TMEM164: variants seen among roughly 807,000 people sequenced by gnomAD.
TMEM164 encodes the protein transmembrane protein 164, also known as RP13-360B22.2.
In TMEM164, 4 loss-of-function variants were observed where a neutral mutation model predicts 18.8. The ratio of observed to expected loss-of-function variants is 0.21; its 90% CI spans 0.10 to 0.49. The LOEUF is 0.49. Ranked by LOEUF, TMEM164 falls within the 20% of genes least tolerant of loss-of-function variation. The pLI is 0.98. For missense variants in TMEM164, 108 were observed against 239.9 expected (o/e 0.45, Z 3.63); for synonymous variants, 86 against 101.7 (o/e 0.85, Z 0.93).
intron 2 of TMEM164, among the ~76,000 whole-genome samples, chrX:110,017,502 CCCTCCCTCCCTCCTTCCTTCCTTCCTT>C (rs1933507928): frequency 2.2e-4 from 1 of 4,495 alleles, no homozygotes; most frequent in Admixed American, 3.6e-3. Context: ...CTCCCTCCCT[CCCTCCCTCCCTCCTTCCTTCCTTCCTT>C]CCTTCCTTCC....
At chrX:110,048,172 G>T (rs749861191) in intron 2 of TMEM164, among the ~76,000 whole-genome samples, 2 of 109,242 alleles carry the variant, frequency 1.8e-5, no homozygotes, top group African/African-American at 7.0e-5. Context: ...CCAGGCAAAA[G>T]GAACTACTTT....
chrX:110,139,425 C>G (rs1407193121), intron 4 of TMEM164, among the ~76,000 whole-genome samples: 1 of 111,402 alleles, frequency 9.0e-6, no homozygotes, highest in Non-Finnish European at 1.9e-5. Context: ...ACCATTTCCT[C>G]AGCTGAGAGC....
intron 5 of TMEM164, among the ~76,000 whole-genome samples, chrX:110,153,905 ACTCATAATAC>A (rs1043736903): frequency 8.0e-5 from 9 of 112,061 alleles, no homozygotes; most frequent in Non-Finnish European, 1.5e-4. Flanking sequence ...TCTCTAGATT[ACTCATAATAC>A]CTAATACAAT....
At chrX:110,095,303 C>T (rs1008681990) in intron 3 of TMEM164, among the ~76,000 whole-genome samples, 4 of 112,235 alleles carry the variant, frequency 3.6e-5, no homozygotes, top group Non-Finnish European at 7.5e-5. Flanking sequence ...CTCCCCATCA[C>T]TTTCAGGTAC....
At chrX:110,145,374 C>T (rs1441185809) in intron 5 of TMEM164, among the ~76,000 whole-genome samples, 3 of 111,362 alleles carry the variant, frequency 2.7e-5, no homozygotes, top group African/African-American at 9.8e-5. Flanking sequence ...GTAAAATAAA[C>T]CACTGAAAAC....
At chrX:110,049,895 T>G (rs895633828) in intron 2 of TMEM164, among the ~76,000 whole-genome samples, 1 of 111,070 alleles carries the variant, frequency 9.0e-6, no homozygotes, top group African/African-American at 3.3e-5. Flanking sequence ...TCAGGATGGC[T>G]TTTTTTCTCC....
chrX:110,081,105 T>C (rs1175186374), intron 3 of TMEM164, among the ~76,000 whole-genome samples: 3 of 110,563 alleles, frequency 2.7e-5, no homozygotes, highest in Non-Finnish European at 3.8e-5. Context: ...TAAAAATCAG[T>C]ATTTTAAAAA....
At position 110,062,726 on chromosome X, in the gene TMEM164, G is replaced by A. The variant is rs148717880; in HGVS notation, c.391-4621G>A. Among the ~76,000 whole-genome samples, 952 of 112,005 alleles carry A rather than the reference G, an allele frequency of 8.5e-3. 5 individuals carry two copies. The highest frequency in any genetic ancestry group is 0.013 in the Non-Finnish European group (701 of 53,163). On this transcript the variant is annotated intron_variant, in intron 2 of 6. Coordinates refer to ENST00000372068, the MANE Select transcript of TMEM164 (RefSeq NM_032227.4). ...GAAGTGTAGTAATTGACACAAATAC[G>A]TTCAGGGTACAGCTTGACATAACGC... is the stretch of plus-strand genomic sequence containing the variant.
chrX:110,135,447 C>G (rs774444704), intron 4 of TMEM164, among the ~76,000 whole-genome samples: 2 of 111,371 alleles, frequency 1.8e-5, no homozygotes, highest in East Asian at 5.6e-4. Context: ...CAGTGAACAT[C>G]TTTATGCATA....
At chrX:110,054,511 C>G (rs1935723464) in intron 2 of TMEM164, among the ~76,000 whole-genome samples, 2 of 112,108 alleles carry the variant, frequency 1.8e-5, no homozygotes, top group Admixed American at 1.9e-4. Flanking sequence ...GAGTGGGGAA[C>G]AAAAAGAAGA....
rs1199419725 is a variant in TMEM164 at position 110,147,700 on chromosome X, TATAATTTGAGCCAACATC to T, written c.586+2825_586+2842del. 9.0e-5 allele frequency among the ~76,000 whole-genome samples: 10 copies of T among 110,991 alleles called. No homozygotes were observed. In the East Asian group the frequency reaches 1.7e-3, roughly 19 times the overall value. ...GGCCTGTAGCTCTCAATATTTCCAT[TATAATTTGAGCCAACATC>T]CTGAGAGACTTCTTGTAAGGACCAC... On this transcript the variant is annotated intron_variant, in intron 5 of 6. Transcript: ENST00000372068.
At chrX:110,073,508 A>G (rs1358018714) in intron 3 of TMEM164, among the ~76,000 whole-genome samples, 1 of 112,247 alleles carries the variant, frequency 8.9e-6, no homozygotes, top group Non-Finnish European at 1.9e-5. Context: ...GCTGCATACT[A>G]TTCCATGGTA....
At chrX:110,091,482 G>T (rs1216471257) in intron 3 of TMEM164, among the ~76,000 whole-genome samples, 1 of 112,258 alleles carries the variant, frequency 8.9e-6, no homozygotes, top group African/African-American at 3.2e-5. Flanking sequence ...TTTTTCATGT[G>T]TCTTTTGGCT....
rs138484172 is a variant in TMEM164 at position 110,083,930 on chromosome X, G to A, written c.440+16534G>A. On this transcript the variant is annotated intron_variant, in intron 3 of 6. Transcript: ENST00000372068. ...AAATTAATCACACCAGCTCCCATAT[G>A]ATAACTTTATTTCCTTTTAAAGAAC... Among the ~76,000 whole-genome samples, 474 of 111,270 alleles carry A rather than the reference G, an allele frequency of 4.3e-3. 1 individual carries two copies. The highest frequency in any genetic ancestry group is 0.014 in the African/African-American group (430 of 30,722).
At chrX:110,067,814 C>A (rs933079660) in intron 3 of TMEM164, among the ~76,000 whole-genome samples, 4 of 112,281 alleles carry the variant, frequency 3.6e-5, no homozygotes, top group African/African-American at 1.3e-4. Flanking sequence ...GGTTTTCCCC[C>A]CTAAAGTGCA....
intron 5 of TMEM164, among the ~76,000 whole-genome samples, chrX:110,170,690 C>T: frequency 9.0e-6 from 1 of 111,458 alleles, no homozygotes; most frequent in East Asian, 2.8e-4. Flanking sequence ...TTTTGGTATC[C>T]CTGGGGGAGA....
chrX:110,173,489 C>G lies in TMEM164; in HGVS notation c.*38C>G. The G allele has an allele frequency of 9.0e-7, 1 of 1,113,784 alleles. No homozygotes were observed. Among genetic ancestry groups the G allele is most frequent in the Non-Finnish European group, 1.2e-6 (1 of 821,821 alleles). The allele number at this position is 1,113,784 out of a possible 1,213,427, so 91.8% of individuals were successfully genotyped here. A position where few individuals can be genotyped will look rare whatever the true frequency, so the allele number is the denominator to read the frequency against. ...TTTTTTTTTTTCCTCCCTGAGGAAG[C>G]AAGTCGTGACTTGACTTGGAGAACA... On this transcript the variant is annotated 3_prime_UTR_variant, in exon 7 of 7. Coordinates refer to ENST00000372068, the MANE Select transcript of TMEM164 (RefSeq NM_032227.4).
intron 2 of TMEM164, among the ~76,000 whole-genome samples, chrX:110,031,522 T>G (rs1437244096): frequency 9.0e-6 from 1 of 110,906 alleles, no homozygotes; most frequent in Non-Finnish European, 1.9e-5. Flanking sequence ...GGGGTCTCAC[T>G]ATGTTGCCCA....
At chrX:110,145,112 A>T (rs1466894817) in intron 5 of TMEM164, among the ~76,000 whole-genome samples, 1 of 110,894 alleles carries the variant, frequency 9.0e-6, no homozygotes, top group South Asian at 3.9e-4. Flanking sequence ...GGTGCTGCTG[A>T]CTGTCTGTCA....
Sources: allele counts gnomAD v4.1 joint callset (sites outside exome capture counted in the v4.1 genomes callset), GRCh38; gene constraint gnomAD v4.1.1; transcripts MANE v1.5; gene names NCBI Gene and HGNC (gene_info 2026-07-23, HGNC 2026-07-21).